The following PTCHD4 variants were observed in gnomAD, a reference collection of about 807,000 sequenced individuals.
The protein encoded by PTCHD4 is patched domain containing 4, also known as patched domain-containing protein 4.
A neutral mutation model predicts 58.1 loss-of-function variants in PTCHD4; 33 were observed. The ratio of observed to expected loss-of-function variants is 0.57; its 90% CI spans 0.43 to 0.76. The LOEUF is 0.76. Ranked by LOEUF, PTCHD4 falls within the 30% of genes least tolerant of loss-of-function variation. The probability of loss-of-function intolerance (pLI) is 0.00; values close to 1 mark genes in which losing one functional copy is unlikely to be tolerated. For synonymous variants in PTCHD4, 478 were observed against 409.6 expected (o/e 1.17, Z -2.02); for missense variants, 1,058 against 1,027.1 (o/e 1.03, Z -0.41).
chr6:48,103,267 T>C (rs1765647154), intron 1 of PTCHD4, among the ~76,000 whole-genome samples: 1 of 152,178 alleles, frequency 6.6e-6, no homozygotes, highest in African/African-American at 2.4e-5. Flanking sequence ...TCCAGAGGAA[T>C]GATCAGGCAG....
chr6:48,065,626 C>A (rs1333005697), intron 3 of PTCHD4, among the ~76,000 whole-genome samples: 1 of 152,142 alleles, frequency 6.6e-6, no homozygotes, highest in African/African-American at 2.4e-5. Context: ...GAGCCTTTGA[C>A]AAGATTCTAG....
intron 4 of PTCHD4, among the ~76,000 whole-genome samples, chr6:47,912,834 G>A (rs1471691515): frequency 6.6e-6 from 1 of 152,050 alleles, no homozygotes; most frequent in African/African-American, 2.4e-5. Context: ...TTGGTGACTT[G>A]AATTTCAGTG....
chr6:47,885,082 G>A (rs993251531), intron 4 of PTCHD4, among the ~76,000 whole-genome samples: 5 of 152,222 alleles, frequency 3.3e-5, no homozygotes, highest in Middle Eastern at 3.4e-3. Context: ...AATTACATTA[G>A]TATATATTTG....
rs1035311668 is a variant in PTCHD4, at chr6:47,878,593, A to T, written c.2242T>A (p.Ser748Thr). The T allele has an allele frequency of 6.2e-7, 1 of 1,613,632 alleles. No individual in the cohort carries two copies. Among genetic ancestry groups the T allele is most frequent in the Non-Finnish European group, 8.5e-7 (1 of 1,179,756 alleles). Residue 748 changes from serine to threonine, a missense_variant, in exon 5 of 5, where the codon TCC (serine) becomes ACC (threonine). Transcript: ENST00000339488. ...ATGGCTGTCCCATGGTCTTGCAAGG[A>T]GCTTTTTATACATTGTGTTCGGGTG... is the stretch of plus-strand genomic sequence containing the variant. ...EHTRTQCIKSSLQDHGTAILQ... is the reference protein window; with the variant it reads ...EHTRTQCIKSTLQDHGTAILQ...
chr6:47,966,091 T>G (rs1303498393), intron 4 of PTCHD4, among the ~76,000 whole-genome samples: 1 of 152,200 alleles, frequency 6.6e-6, no homozygotes, highest in Non-Finnish European at 1.5e-5. Flanking sequence ...GTTTCAAGAC[T>G]TTTCAGCATT....
intron 4 of PTCHD4, among the ~76,000 whole-genome samples, chr6:47,895,619 A>C (rs1196035879): frequency 1.3e-5 from 2 of 152,212 alleles, no homozygotes; most frequent in Non-Finnish European, 2.9e-5. Context: ...ACATGAGAGC[A>C]CATTCAACTT....
intron 3 of PTCHD4, among the ~76,000 whole-genome samples, chr6:48,040,687 T>C (rs183531540): frequency 6.6e-6 from 1 of 152,122 alleles, no homozygotes; most frequent in Non-Finnish European, 1.5e-5. Context: ...GGTGCTTTCC[T>C]ATGTTTTAAT....
intron 3 of PTCHD4, among the ~76,000 whole-genome samples, chr6:48,049,506 C>G (rs903214290): frequency 1.3e-5 from 2 of 151,896 alleles, no homozygotes; most frequent in Non-Finnish European, 2.9e-5. Context: ...AGTGAGCATG[C>G]TCTAAAGACT....
chr6:47,893,113 C>T (rs549583744), intron 4 of PTCHD4, among the ~76,000 whole-genome samples: 2 of 152,272 alleles, frequency 1.3e-5, no homozygotes, highest in African/African-American at 4.8e-5. Flanking sequence ...CGGGTTCAAG[C>T]GATTTTCCTG....
chr6:48,103,342 G>A (rs973492787), intron 1 of PTCHD4, among the ~76,000 whole-genome samples: 9 of 152,210 alleles, frequency 5.9e-5, no homozygotes, highest in Non-Finnish European at 1.3e-4. Context: ...CAGGCAAACA[G>A]GGTCTGCAGT....
chr6:47,993,138 G>T (rs143653915), intron 4 of PTCHD4, among the ~76,000 whole-genome samples: 3 of 152,094 alleles, frequency 2.0e-5, no homozygotes, highest in Non-Finnish European at 4.4e-5. Flanking sequence ...ACAATTATAC[G>T]TCAAACTACT....
chr6:48,093,416 A>T (rs1765403907), intron 1 of PTCHD4, among the ~76,000 whole-genome samples: 2 of 152,162 alleles, frequency 1.3e-5, no homozygotes, highest in Non-Finnish European at 2.9e-5. Flanking sequence ...TTTATTTCCT[A>T]ACTTTGGGGG....
At chr6:48,029,672 C>A (rs772648795) in intron 3 of PTCHD4, among the ~76,000 whole-genome samples, 1 of 151,918 alleles carries the variant, frequency 6.6e-6, no homozygotes, top group Non-Finnish European at 1.5e-5. Context: ...AATTCAGAAA[C>A]GCTTATTGAG....
At chr6:47,935,164 A>G (rs1266595878) in intron 4 of PTCHD4, among the ~76,000 whole-genome samples, 1 of 152,038 alleles carries the variant, frequency 6.6e-6, no homozygotes, top group Non-Finnish European at 1.5e-5. Context: ...ATTTTTCTTT[A>G]TTTTGTTCTC....
Position 48,068,476 on chromosome 6 carries a change from C to T in PTCHD4, c.171G>A (p.Ala57=). Residue 57 remains alanine (A), a synonymous_variant, in exon 3 of 5, where the codon GCG becomes GCA. Coordinates refer to ENST00000339488, the MANE Select transcript of PTCHD4 (RefSeq NM_001384253.1). The surrounding 1 kb of genome is among the most constrained non-coding windows in gnomAD (Gnocchi z 4.2). ...AVLTITFGLS[A]LNRFQPEGDL... ...CGCCCTCGGGCTGGAAGCGGTTGAG[C>T]GCGCTGAGGCCGAAGGTGATTGTCA... 1 of 1,613,510 alleles carries T rather than the reference C, an allele frequency of 6.2e-7. No homozygotes were observed. Among genetic ancestry groups the T allele is most frequent in the Non-Finnish European group, 8.5e-7 (1 of 1,179,816 alleles).
At chr6:48,058,255 T>C (rs1367112935) in intron 3 of PTCHD4, among the ~76,000 whole-genome samples, 1 of 152,262 alleles carries the variant, frequency 6.6e-6, no homozygotes, top group Non-Finnish European at 1.5e-5. Context: ...CCCCAGTGTT[T>C]CAGCAGATCC....
chr6:47,923,089 A>G (rs1330639110), intron 4 of PTCHD4, among the ~76,000 whole-genome samples: 3 of 152,204 alleles, frequency 2.0e-5, no homozygotes, highest in Middle Eastern at 3.2e-3. Flanking sequence ...AGAGAAAGTG[A>G]TATCAGAGAA....
chr6:47,961,078 A>G (rs1767070995), intron 4 of PTCHD4, among the ~76,000 whole-genome samples: 1 of 151,750 alleles, frequency 6.6e-6, no homozygotes, highest in African/African-American at 2.4e-5. Flanking sequence ...ACCGCAACAT[A>G]TCACATACTA....
rs191634785 is a variant in PTCHD4 at position 47,944,572 on chromosome 6, A to G, written c.898+64062T>C. 2.6e-5 allele frequency among the ~76,000 whole-genome samples: 4 copies of G among 152,242 alleles called. No homozygotes were observed. In the East Asian group the frequency reaches 7.7e-4, roughly 29 times the overall value. On this transcript the variant is annotated intron_variant, in intron 4 of 4. Coordinates refer to ENST00000339488, the MANE Select transcript of PTCHD4 (RefSeq NM_001384253.1). ...ACCTGAGAATGGGCTGGACATATCTACATTAAGAATTCTACTAGAAAACCT... is the reference window on the plus strand; with the variant it reads ...ACCTGAGAATGGGCTGGACATATCTGCATTAAGAATTCTACTAGAAAACCT...
Sources: allele counts gnomAD v4.1 joint callset (sites outside exome capture counted in the v4.1 genomes callset), GRCh38; gene constraint gnomAD v4.1.1; non-coding constraint Gnocchi (gnomAD v3.1); transcripts MANE v1.5; gene names NCBI Gene and HGNC (gene_info 2026-07-23, HGNC 2026-07-21).